FER1L5: variants seen among roughly 807,000 people sequenced by gnomAD.
FER1L5 encodes the protein fer-1-like protein 5.
FER1L5 carries 187 observed loss-of-function variants against 279.9 expected under a neutral mutation model. The ratio of observed to expected loss-of-function variants is 0.67; its 90% CI spans 0.59 to 0.75. The LOEUF is 0.75. Among genes scored for constraint, FER1L5 ranks in the 30% least tolerant of loss-of-function variants. The pLI is 0.00. For synonymous variants in FER1L5, 921 were observed against 989.7 expected (o/e 0.93, Z 1.30); for missense variants, 2,091 against 2,594.4 (o/e 0.81, Z 4.21).
At chr2:96,644,646 T>C (rs530662805) in intron 1 of FER1L5, among the ~76,000 whole-genome samples, 6 of 152,268 alleles carry the variant, frequency 3.9e-5, no homozygotes, top group Admixed American at 1.3e-4. Flanking sequence ...GAGGACACAG[T>C]AGTTCCTACA....
chr2:96,703,781 G>T, intron 51 of FER1L5, 149 bp downstream of exon 51: 1 of 681,574 alleles, frequency 1.5e-6, no homozygotes, highest in Non-Finnish European at 2.5e-6. Flanking sequence ...ACAGACTTGG[G>T]GTGAGGGTTG....
Position 96,670,112 on chromosome 2 carries a change from G to A in FER1L5, c.1363-7G>A. On this transcript the variant is annotated splice_region_variant and splice_polypyrimidine_tract_variant and intron_variant, in intron 17 of 52. Coordinates refer to ENST00000624922, the MANE Select transcript of FER1L5 (RefSeq NM_001293083.2). ...CCTTTTCTCCGTTTTCCTCTCGCTT[G>A]CCCTAGTGTATTCCCGACTCTGTTA... 6.4e-7 allele frequency: 1 copy of A among 1,551,540 alleles called. No homozygotes were observed. Among genetic ancestry groups the A allele is most frequent in the Non-Finnish European group, 8.7e-7 (1 of 1,146,936 alleles).
chr2:96,697,682 A>C lies in FER1L5; in HGVS notation c.4157A>C (p.Asp1386Ala), dbSNP rs748829210. The change falls in exon 39 of 53, where the codon GAC becomes GCC. Residue 1386 changes from aspartate to alanine, a missense_variant. Asp to Ala is a moderately radical substitution (Grantham distance 126, BLOSUM62 -2). Transcript: ENST00000624922. ...KAEDEYEHEV[D>A]WWSKLFWATD... ...CAGGATGAGTATGAGCATGAGGTGG[A>C]CTGGTGGAGCAAGCTGTTCTGGGCC... is the stretch of plus-strand genomic sequence containing the variant. 6.2e-6 allele frequency: 10 copies of C among 1,614,024 alleles called. No homozygotes were observed. Among genetic ancestry groups the C allele is most frequent in the Non-Finnish European group, 8.5e-6 (10 of 1,179,886 alleles).
At position 96,646,422 on chromosome 2, in the gene FER1L5, TG is replaced by T. The variant is rs1263813413; in HGVS notation, c.109del (p.Val37TrpfsTer12). On this transcript the variant is annotated frameshift_variant, in exon 2 of 53. Coordinates refer to ENST00000624922, the MANE Select transcript of FER1L5 (RefSeq NM_001293083.2). LOFTEE classifies it high-confidence loss of function. ...DFRDIKKRTR[V>X]VEGNDPVWNE... ...GCAGATATCAAGAAAAGAACTCGTG[TG>T]GTGGAAGGGAATGATCCCGTGTGGA... 2 of 1,551,646 alleles carry T rather than the reference TG, an allele frequency of 1.3e-6. No homozygotes were observed. Among genetic ancestry groups the T allele is most frequent in the Non-Finnish European group, 1.7e-6 (2 of 1,146,938 alleles).
chr2:96,660,239 C>A, intron 9 of FER1L5, 102 bp from the exon 10 acceptor site: 1 of 1,190,844 alleles, frequency 8.4e-7, no homozygotes, highest in Non-Finnish European at 1.2e-6. Context: ...GGGCAGAGAA[C>A]ATACTGAAGC....
intron 19 of FER1L5, among the ~76,000 whole-genome samples, chr2:96,677,409 C>T (rs2106615006): frequency 6.6e-6 from 1 of 152,270 alleles, no homozygotes; most frequent in Middle Eastern, 3.4e-3. Context: ...CATCTGGCTT[C>T]CTTCACTTGG....
Position 96,684,332 on chromosome 2 carries a change from A to T in FER1L5, c.1675A>T (p.Ile559Phe). The T allele has an allele frequency of 6.4e-7, 1 of 1,551,532 alleles. No homozygotes were observed. ...PYSPVIYDGN[I>F]YHYVPWYNTK... ...CATGTGTCTCTGTGTCTCAGGGAACATCTACCATTATGTGCCCTGGTACAA... is the reference window on the plus strand; with the variant it reads ...CATGTGTCTCTGTGTCTCAGGGAACTTCTACCATTATGTGCCCTGGTACAA... Residue 559 changes from isoleucine (I) to phenylalanine (F), a missense_variant, in exon 20 of 53, where the codon ATC becomes TTC. By Grantham distance (21) the Ile-to-Phe change is conservative. Coordinates refer to ENST00000624922, the MANE Select transcript of FER1L5 (RefSeq NM_001293083.2).
chr2:96,696,077 CGTAA>C lies in FER1L5; in HGVS notation c.4083+6_4083+9del. ...CGCTGTCTGAGAAGAAGCACCAAGA[CGTAA>C]GTAAGGGCTGCAGGCCCACCTTCTC... On this transcript the variant is annotated splice_donor_variant and splice_donor_region_variant and intron_variant, in intron 37 of 52. Transcript: ENST00000624922. LOFTEE classifies it high-confidence loss of function. 1.2e-6 allele frequency: 2 copies of C among 1,613,838 alleles called. No individual in the cohort carries two copies. The highest frequency in any genetic ancestry group is 1.7e-6 in the Non-Finnish European group (2 of 1,179,886).
chr2:96,685,248 TG>T, intron 20 of FER1L5, 80 bp from the exon 21 acceptor site: 1 of 1,245,080 alleles, frequency 8.0e-7, no homozygotes. Context: ...GAAAACATCT[TG>T]GGCCAATCAG....
intron 27 of FER1L5, 125 bp downstream of exon 27, chr2:96,690,714 G>A: frequency 1.3e-6 from 1 of 798,578 alleles, no homozygotes; most frequent in Non-Finnish European, 2.0e-6. Flanking sequence ...GGGCCCCCTG[G>A]CCTCCAGAGC....
At chr2:96,675,421 A>C (rs534634369) in intron 19 of FER1L5, among the ~76,000 whole-genome samples, 4 of 152,204 alleles carry the variant, frequency 2.6e-5, no homozygotes, top group Non-Finnish European at 5.9e-5. Flanking sequence ...TTTTTAAAAA[A>C]ATAATTAATT....
At chr2:96,696,194 C>G (rs916016201) in intron 37 of FER1L5, 117 bp downstream of exon 37, 1 of 1,345,680 alleles carries the variant, frequency 7.4e-7, no homozygotes, top group Non-Finnish European at 1.0e-6. Flanking sequence ...GTGAGGCCCA[C>G]CTCGCTCTGT....
intron 19 of FER1L5, among the ~76,000 whole-genome samples, chr2:96,674,423 C>G (rs569774259): frequency 8.5e-5 from 13 of 152,252 alleles, no homozygotes; most frequent in Middle Eastern, 3.4e-3. Flanking sequence ...GGGATTTCAC[C>G]ATGTTAGCCA....
At chr2:96,701,933 A>G in intron 45 of FER1L5, 22 bp from the exon 46 acceptor site, 1 of 1,612,550 alleles carries the variant, frequency 6.2e-7, no homozygotes, top group Non-Finnish European at 8.5e-7. Context: ...ACCCCCAACC[A>G]GTCAATGTAT....
intron 50 of FER1L5, 38 bp downstream of exon 50, chr2:96,703,384 T>C (rs1186578178): frequency 6.3e-7 from 1 of 1,598,198 alleles, no homozygotes; most frequent in African/African-American, 1.3e-5. Flanking sequence ...AGGGCTGCTA[T>C]GCCACATGTC....
intron 1 of FER1L5, 70 bp downstream of exon 1, chr2:96,642,991 A>T: frequency 7.4e-7 from 1 of 1,351,320 alleles, no homozygotes; most frequent in South Asian, 1.4e-5. Flanking sequence ...GTGAAAAAAG[A>T]GGTGTATGGC....
chr2:96,659,290 T>TGCC lies in FER1L5; in HGVS notation c.748-1051_748-1050insGCC, dbSNP rs2075732527. On this transcript the variant is annotated intron_variant, in intron 9 of 52. Coordinates refer to ENST00000624922, the MANE Select transcript of FER1L5 (RefSeq NM_001293083.2). ...TTTGATGAAGTCCAATTTATCAAGC[T>TGCC]TTCCTTCCTTCCTTCCTTCCTTCCT... Among the ~76,000 whole-genome samples the TGCC allele has an allele frequency of 4.4e-3, 353 of 81,036 alleles. 13 individuals carry two copies. The highest frequency in any genetic ancestry group is 0.013 in the African/African-American group (257 of 20,372). The allele number at this position is 81,036 out of a possible 152,430, so 53.2% of individuals were successfully genotyped here.
intron 3 of FER1L5, 24 bp downstream of exon 3, chr2:96,647,179 A>C: frequency 6.5e-7 from 1 of 1,549,120 alleles, no homozygotes; most frequent in Non-Finnish European, 8.7e-7. Context: ...AGGCAGGAGG[A>C]GCCTAGCTCC....
chr2:96,644,608 C>A (rs907072102), intron 1 of FER1L5, among the ~76,000 whole-genome samples: 5 of 152,094 alleles, frequency 3.3e-5, no homozygotes, highest in African/African-American at 1.2e-4. Flanking sequence ...GGACCGTCAG[C>A]AGGGAGAAAA....
Sources: allele counts gnomAD v4.1 joint callset (sites outside exome capture counted in the v4.1 genomes callset), GRCh38; gene constraint gnomAD v4.1.1; transcripts MANE v1.5; gene names NCBI Gene and HGNC (gene_info 2026-07-23, HGNC 2026-07-21).